The following RIOK2 variants were observed in gnomAD, a reference collection of about 807,000 sequenced individuals.
The protein encoded by RIOK2 is RIO kinase 2.
In RIOK2, 46 loss-of-function variants were observed where a neutral mutation model predicts 62.4. The observed-to-expected ratio is 0.74, with a 90% CI of 0.58 to 0.94. The LOEUF is 0.94. RIOK2 is among the 40% of genes least tolerant of loss of function. RIOK2 has a pLI of 0.00. For missense variants in RIOK2, 574 were observed against 658.0 expected, an observed-to-expected ratio of 0.87 and a Z score of 1.40; for synonymous variants, 197 against 216.0, an observed-to-expected ratio of 0.91 and a Z score of 0.77.
intron 9 of RIOK2, among the ~76,000 whole-genome samples, chr5:97,163,506 T>C (rs1236569789): frequency 6.6e-6 from 1 of 152,188 alleles, no homozygotes; most frequent in East Asian, 1.9e-4. Flanking sequence ...AAACTGCTTG[T>C]TCCTCTGCTT....
intron 1 of RIOK2, among the ~76,000 whole-genome samples, chr5:97,182,598 T>A (rs991596817): frequency 2.0e-5 from 3 of 152,192 alleles, no homozygotes; most frequent in Admixed American, 6.5e-5. Flanking sequence ...ATAGCATTTA[T>A]CCATTATCCT....
Position 97,173,155 on chromosome 5 carries a change from T to C in RIOK2, c.587+20A>G, listed in dbSNP as rs1326469352. ...ATTCATTTATCAGGATTCATGGCTT[T>C]AAGAATAATGAATACTTACAGTGGA... On this transcript the variant is annotated intron_variant, in intron 5 of 9. Coordinates refer to ENST00000283109, the MANE Select transcript of RIOK2 (RefSeq NM_018343.3). The C allele has an allele frequency of 2.0e-6, 3 of 1,536,076 alleles. No homozygotes were observed. Among genetic ancestry groups the C allele is most frequent in the South Asian group, 1.2e-5 (1 of 84,558 alleles).
Position 97,177,289 on chromosome 5 carries a change from T to C in RIOK2, c.325A>G (p.Ile109Val), listed in dbSNP as rs1293656527. 2 of 1,606,234 alleles carry C rather than the reference T, an allele frequency of 1.2e-6. No individual in the cohort carries two copies. The highest frequency in any genetic ancestry group is 1.7e-5 in the Admixed American group (1 of 58,632). Residue 109 changes from isoleucine to valine, a missense_variant and splice_region_variant, in exon 4 of 10, where the codon ATT becomes GTT. Transcript: ENST00000283109. ...CCTTCTTCATTTGCAACAATGTAAATATCTAGAGACAAAATTTCAAAAACA... is the reference window on the plus strand; with the variant it reads ...CCTTCTTCATTTGCAACAATGTAAACATCTAGAGACAAAATTTCAAAAACA... Reference protein sequence around the residue: ...NQMGVGKESDIYIVANEEGQQ... With the variant: ...NQMGVGKESDVYIVANEEGQQ...
chr5:97,176,896 C>T (rs1483551053), intron 4 of RIOK2: 4 of 468,354 alleles, frequency 8.5e-6, no homozygotes, highest in Non-Finnish European at 1.5e-5. Context: ...ATGTGTTGCC[C>T]TTATGCATTA....
chr5:97,175,464 G>C (rs1749140201), intron 4 of RIOK2, among the ~76,000 whole-genome samples: 1 of 152,160 alleles, frequency 6.6e-6, no homozygotes, highest in African/African-American at 2.4e-5. Flanking sequence ...GTGCATTTAT[G>C]TGCAACCAGA....
chr5:97,183,069 A>G, intron 1 of RIOK2, 57 bp downstream of exon 1: 1 of 1,577,600 alleles, frequency 6.3e-7, no homozygotes. Flanking sequence ...TTGCAGGAAC[A>G]GGAAGAGGTC....
chr5:97,172,808 CTTT>C (rs1175302029), intron 5 of RIOK2, among the ~76,000 whole-genome samples: 1 of 152,056 alleles, frequency 6.6e-6, no homozygotes, highest in East Asian at 1.9e-4. Context: ...CCTTACTCTG[CTTT>C]TTTTTATCCA....
chr5:97,165,185 GTA>G (rs755538559), intron 8 of RIOK2, 38 bp from the exon 9 acceptor site: 2 of 1,070,622 alleles, frequency 1.9e-6, no homozygotes, highest in Non-Finnish European at 2.5e-6. Context: ...TAGTTAATTT[GTA>G]TAATGTAATG....
In RIOK2 at chr5:97,162,463, T is replaced by C. The variant is rs1054100562; in HGVS notation, c.*598A>G. On this transcript the variant is annotated 3_prime_UTR_variant, in exon 10 of 10. Coordinates refer to ENST00000283109, the MANE Select transcript of RIOK2 (RefSeq NM_018343.3). ...GCTTACAAGCTGCCAACTGTAAAAA[T>C]TGTGGTAGACTATCTCAAGTAAGTT... The C allele has an allele frequency of 2.6e-5, 4 of 152,554 alleles. No homozygotes were observed. The highest frequency in any genetic ancestry group is 6.5e-5 in the Admixed American group (1 of 15,310). The allele number at this position is 152,554 out of a possible 1,614,324, so 9.5% of individuals were successfully genotyped here. A position where few individuals can be genotyped will look rare whatever the true frequency, so the allele number is the denominator to read the frequency against.
Position 97,179,103 on chromosome 5 carries a change from A to C in RIOK2, c.157T>G (p.Leu53Val), listed in dbSNP as rs773914651. 6.2e-7 allele frequency: 1 copy of C among 1,613,996 alleles called. No individual in the cohort carries two copies. Among genetic ancestry groups the C allele is most frequent in the Non-Finnish European group, 8.5e-7 (1 of 1,179,956 alleles). ...AGTTTATGTTTCACTAATTCTCTTA[A>C]AACTTTATTACAGCCACCATGTTTA... ...SLKHGGCNKV[L>V]RELVKHKLIA... The change falls in exon 2 of 10, where the codon TTA becomes GTA. Residue 53 changes from leucine to valine, a missense_variant. Leu to Val is a conservative substitution (Grantham distance 32, BLOSUM62 1). Coordinates refer to ENST00000283109, the MANE Select transcript of RIOK2 (RefSeq NM_018343.3).
At chr5:97,178,604 CT>C (rs1749242018) in intron 2 of RIOK2, among the ~76,000 whole-genome samples, 1 of 149,120 alleles carries the variant, frequency 6.7e-6, no homozygotes, top group East Asian at 2.0e-4. Flanking sequence ...TTCTGCAGTA[CT>C]CTATGTGCTC....
chr5:97,174,692 C>T (rs542153044), intron 4 of RIOK2, among the ~76,000 whole-genome samples: 2 of 152,252 alleles, frequency 1.3e-5, no homozygotes, highest in African/African-American at 4.8e-5. Flanking sequence ...TGGCTCCACT[C>T]AGCTCCACTC....
chr5:97,177,678 G>GA, intron 3 of RIOK2, 54 bp downstream of exon 3: 1 of 1,112,710 alleles, frequency 9.0e-7, no homozygotes, highest in Non-Finnish European at 1.3e-6. Flanking sequence ...TTTCTGAAGG[G>GA]AAAACATAAA....
chr5:97,178,653 C>CTCTTCTGCAGTACTCTACCTGA (rs1749245836), intron 2 of RIOK2, among the ~76,000 whole-genome samples: 2 of 114,074 alleles, frequency 1.8e-5, no homozygotes, highest in Admixed American at 1.6e-4. Flanking sequence ...ACTCTACATG[C>CTCTTCTGCAGTACTCTACCTGA]TCTTCTGCAG....
intron 5 of RIOK2, among the ~76,000 whole-genome samples, chr5:97,172,923 C>T (rs1749057270): frequency 6.6e-6 from 1 of 152,080 alleles, no homozygotes; most frequent in South Asian, 2.1e-4. Context: ...TTGTTTTGTT[C>T]ACTGCTGAGA....
In RIOK2 at chr5:97,175,790, G is replaced by A. The variant is rs573477303; in HGVS notation, c.498+1326C>T. 2.2e-3 allele frequency among the ~76,000 whole-genome samples: 340 copies of A among 152,224 alleles called. 1 individual carries two copies. Among genetic ancestry groups the A allele is most frequent in the Non-Finnish European group, 3.9e-3 (264 of 68,016 alleles). ...GTTTTGAAAAATGAAGATAAACTAT[G>A]ACAAATCCTACTGGCAGGATTATAA... On this transcript the variant is annotated intron_variant, in intron 4 of 9. Coordinates refer to ENST00000283109, the MANE Select transcript of RIOK2 (RefSeq NM_018343.3).
At chr5:97,179,461 G>A (rs567310818) in intron 1 of RIOK2, among the ~76,000 whole-genome samples, 6 of 152,204 alleles carry the variant, frequency 3.9e-5, no homozygotes, top group Admixed American at 2.6e-4. Flanking sequence ...AATACTTGAT[G>A]ACACCTAAAC....
intron 5 of RIOK2, among the ~76,000 whole-genome samples, chr5:97,172,734 G>A (rs1749047920): frequency 6.6e-6 from 1 of 152,208 alleles, no homozygotes; most frequent in Admixed American, 6.5e-5. Flanking sequence ...CCTTATTAGT[G>A]AGACTTTTCT....
At chr5:97,179,601 G>A (rs961522516) in intron 1 of RIOK2, among the ~76,000 whole-genome samples, 2 of 151,782 alleles carry the variant, frequency 1.3e-5, no homozygotes, top group Admixed American at 6.6e-5. Context: ...AGAAAATGTG[G>A]CACATATACA....
Sources: allele counts gnomAD v4.1 joint callset (sites outside exome capture counted in the v4.1 genomes callset), GRCh38; gene constraint gnomAD v4.1.1; transcripts MANE v1.5; gene names NCBI Gene and HGNC (gene_info 2026-07-23, HGNC 2026-07-21).